Variants in TUT1 observed in about 807,000 individuals in gnomAD.
The protein encoded by TUT1 is speckle targeted PIP5K1A-regulated poly(A) polymerase.
TUT1 carries 26 observed loss-of-function variants against 48.8 expected under a neutral mutation model. The ratio of observed to expected loss-of-function variants is 0.53; its 90% CI spans 0.39 to 0.74. TUT1 has a LOEUF of 0.74. TUT1 is among the 30% of genes least tolerant of loss of function. The pLI is 0.00. For missense variants in TUT1, 1,065 were observed against 1,114.8 expected, an observed-to-expected ratio of 0.96 and a Z score of 0.64; for synonymous variants, 470 against 460.8, an observed-to-expected ratio of 1.02 and a Z score of -0.26.
In TUT1 at chr11:62,575,916, G is replaced by T; in HGVS notation, c.1803C>A (p.Ser601Arg). The change falls in exon 9 of 9, where the codon AGC becomes AGA. Residue 601 changes from serine (S) to arginine (R), a missense_variant. Ser to Arg is a moderately radical substitution (Grantham distance 110, BLOSUM62 -1). Transcript: ENST00000476907. ...GGATCGGCGTAGCAGAGAGCAGGGA[G>T]CTGGGGGAGCTGGGCTGCAGAAGAG... ...LLPLLQPSSP[S>R]SLLSATPIPL... 3 of 1,614,186 alleles carry T rather than the reference G, an allele frequency of 1.9e-6. No individual in the cohort carries two copies. The highest frequency in any genetic ancestry group is 2.5e-6 in the Non-Finnish European group (3 of 1,179,990).
intron 5 of TUT1, among the ~76,000 whole-genome samples, chr11:62,578,273 A>G (rs1675042381): frequency 6.7e-6 from 1 of 150,334 alleles, no homozygotes; most frequent in African/African-American, 2.4e-5. Context: ...AAAGAAAGGT[A>G]TGGTGCCTCA....
At position 62,578,636 on chromosome 11, in the gene TUT1, G is replaced by A; in HGVS notation, c.1085C>T (p.Pro362Leu). 1 of 1,614,190 alleles carries A rather than the reference G, an allele frequency of 6.2e-7. No individual in the cohort carries two copies. The highest frequency in any genetic ancestry group is 8.5e-7 in the Non-Finnish European group (1 of 1,180,020). Reference protein sequence around the residue: ...VPGVYRVQTVPSARRPVVKFC... With the variant: ...VPGVYRVQTVLSARRPVVKFC... ...CTTGACCACAGGGCGCCGGGCAGAG[G>A]GCACAGTTTGGACTCGATACACCCC... The change falls in exon 5 of 9, where the codon CCC becomes CTC. Residue 362 changes from proline (P) to leucine (L), a missense_variant. By Grantham distance (98) the Pro-to-Leu change is moderately conservative. Coordinates refer to ENST00000476907, the MANE Select transcript of TUT1 (RefSeq NM_022830.3).
rs1400642388 is a variant in TUT1 at position 62,581,393 on chromosome 11, G to C, written c.582C>G (p.Phe194Leu). ...GTAGGGGAGGTAACTTACCAGGGAAGAACTCTGTGAAGACCTCCTGCATCA... is the reference window on the plus strand; with the variant it reads ...GTAGGGGAGGTAACTTACCAGGGAACAACTCTGTGAAGACCTCCTGCATCA... ...VALMQEVFTE[F>L]FPGCVVHPFG... The change falls in exon 3 of 9, where the codon TTC becomes TTG. Residue 194 changes from phenylalanine (F) to leucine (L), a missense_variant. Coordinates refer to ENST00000476907, the MANE Select transcript of TUT1 (RefSeq NM_022830.3). 6.2e-7 allele frequency: 1 copy of C among 1,600,108 alleles called. No individual in the cohort carries two copies. The highest frequency in any genetic ancestry group is 8.5e-7 in the Non-Finnish European group (1 of 1,173,822).
At chr11:62,582,529 G>A (rs1941845997) in intron 2 of TUT1, 2 of 441,480 alleles carry the variant, frequency 4.5e-6, no homozygotes, top group South Asian at 3.2e-5. Context: ...CCAGGATGTT[G>A]AGGCTGCAGT....
rs1941741040 is a variant in TUT1 at position 62,577,037 on chromosome 11, T to C, written c.1271-20A>G. ...CACTCCCTGGGTAAATAAGCAATAATTCCGGTTAGATCAGAGGTGCTTCTA... is the reference window on the plus strand; with the variant it reads ...CACTCCCTGGGTAAATAAGCAATAACTCCGGTTAGATCAGAGGTGCTTCTA... On this transcript the variant is annotated intron_variant, in intron 6 of 8. Transcript: ENST00000476907. 6.2e-7 allele frequency: 1 copy of C among 1,611,468 alleles called. No individual in the cohort carries two copies. Among genetic ancestry groups the C allele is most frequent in the South Asian group, 1.1e-5 (1 of 91,010 alleles).
In TUT1 at chr11:62,576,216, A is replaced by T. The variant is rs751308029; in HGVS notation, c.1503T>A (p.Cys501Ter). Reference sequence around the variant, plus strand: ...AGCCACGAAGATCCCAACAAGATACACAGGAGAAGAACTGGGCTAGCAGGG... The same window carrying T: ...AGCCACGAAGATCCCAACAAGATACTCAGGAGAAGAACTGGGCTAGCAGGG... ...LSSLLAQFFSCVSCWDLRGSL... is the reference protein window; with the variant it reads ...LSSLLAQFFS Residue 501 changes from cysteine (C) to a stop codon, truncating the protein, a stop_gained, in exon 9 of 9, where the codon TGT (cysteine) becomes TGA (stop). Transcript: ENST00000476907. LOFTEE classifies it low-confidence loss of function (END_TRUNC). The T allele has an allele frequency of 6.3e-7, 1 of 1,599,078 alleles. No individual in the cohort carries two copies. Among genetic ancestry groups the T allele is most frequent in the Admixed American group, 1.8e-5 (1 of 56,932 alleles).
chr11:62,581,127 C>T lies in TUT1; in HGVS notation c.669G>A (p.Leu223=), dbSNP rs1941817594. ...HGCDLDLFLD[L]GDLEEPQPVP... ...TCACCTGGGGCTCTTCCAAGTCACCCAGATCCAAGAAGAGGTCAAGATCAC... is the reference window on the plus strand; with the variant it reads ...TCACCTGGGGCTCTTCCAAGTCACCTAGATCCAAGAAGAGGTCAAGATCAC... The change falls in exon 4 of 9, where the codon CTG becomes CTA. Residue 223 remains leucine (L), a synonymous_variant. Transcript: ENST00000476907. The T allele has an allele frequency of 6.2e-7, 1 of 1,614,104 alleles. No homozygotes were observed. The highest frequency in any genetic ancestry group is 8.5e-7 in the Non-Finnish European group (1 of 1,180,000).
chr11:62,591,253 A>G (rs1490718337), intron 1 of TUT1, 151 bp downstream of exon 1: 14 of 1,352,016 alleles, frequency 1.0e-5, no homozygotes, highest in Non-Finnish European at 1.1e-5. Flanking sequence ...GACTCTCCAA[A>G]TCCCCTCGGA....
chr11:62,575,380 C>G lies in TUT1; in HGVS notation c.2339G>C (p.Arg780Pro). 6.2e-7 allele frequency: 1 copy of G among 1,613,054 alleles called. No individual in the cohort carries two copies. Among genetic ancestry groups the G allele is most frequent in the Non-Finnish European group, 8.5e-7 (1 of 1,180,020 alleles). ...LWHRVWQGRRRARRRLQQQTK... is the reference protein window; with the variant it reads ...LWHRVWQGRRPARRRLQQQTK... Reference sequence around the variant, plus strand: ...TTGCTGCTGCAAGCGTCTACGGGCTCGCCGCCGCCCTTGCCACACTCGGTG... The same window carrying G: ...TTGCTGCTGCAAGCGTCTACGGGCTGGCCGCCGCCCTTGCCACACTCGGTG... The change falls in exon 9 of 9, where the codon CGA (arginine) becomes CCA (proline). Residue 780 changes from arginine to proline, a missense_variant. Physicochemically the swap from Arg to Pro is moderately radical, Grantham distance 103. Coordinates refer to ENST00000476907, the MANE Select transcript of TUT1 (RefSeq NM_022830.3).
rs1324715643 is a variant in TUT1 at position 62,591,384 on chromosome 11, C to T, written c.82+20G>A. The T allele has an allele frequency of 1.3e-6, 2 of 1,543,992 alleles. No individual in the cohort carries two copies. The highest frequency in any genetic ancestry group is 1.7e-6 in the Non-Finnish European group (2 of 1,145,072). On this transcript the variant is annotated intron_variant, in intron 1 of 8. Transcript: ENST00000476907. ...GAAAGCCCGCAACCACCCCCGGGTC[C>T]CTCACTAGCCACCGCTTACGGTTGG...
intron 3 of TUT1, 47 bp from the exon 4 acceptor site, chr11:62,581,253 C>T (rs560139267): frequency 7.3e-5 from 117 of 1,593,280 alleles, no homozygotes; most frequent in Non-Finnish European, 9.3e-5. Context: ...TAGGGAGGAG[C>T]AGGGGGAAGA....
intron 3 of TUT1, 69 bp from the exon 4 acceptor site, chr11:62,581,275 C>A: frequency 6.3e-7 from 1 of 1,575,196 alleles, no homozygotes. Context: ...CAAAACAGAG[C>A]ACAAAGATGG....
At chr11:62,587,752 A>G (rs990655813) in intron 2 of TUT1, among the ~76,000 whole-genome samples, 10 of 152,234 alleles carry the variant, frequency 6.6e-5, no homozygotes, top group Non-Finnish European at 1.5e-5. Context: ...CTGCAAAGGG[A>G]TATTTTGGAT....
At position 62,576,173 on chromosome 11, in the gene TUT1, C is replaced by T. The variant is rs762278404; in HGVS notation, c.1546G>A (p.Glu516Lys). The T allele has an allele frequency of 1.2e-6, 2 of 1,613,036 alleles. No homozygotes were observed. Among genetic ancestry groups the T allele is most frequent in the Non-Finnish European group, 1.7e-6 (2 of 1,179,536 alleles). ...CCTGCCACAGGCAGTGCCTGACCCT[C>T]CCGCAGGGACAGCAGGGAGCCACGA... The part of the protein sequence containing the change: ...DLRGSLLSLR[E>K]GQALPVAGGL... Residue 516 changes from glutamate (E) to lysine (K), a missense_variant, in exon 9 of 9, where the codon GAG becomes AAG. Physicochemically the swap from Glu to Lys is moderately conservative, Grantham distance 56. Transcript: ENST00000476907.
Position 62,578,862 on chromosome 11 carries a change from G to A in TUT1, c.859C>T (p.Pro287Ser). Residue 287 changes from proline (P) to serine (S), a missense_variant, in exon 5 of 9, where the codon CCC becomes TCC. Transcript: ENST00000476907. ...GCCAAGGCAGAGTCCGGAGTTTGGGGCGCCAGGGAGGAGGAAGGGGTTTCA... is the reference window on the plus strand; with the variant it reads ...GCCAAGGCAGAGTCCGGAGTTTGGGACGCCAGGGAGGAGGAAGGGGTTTCA... ...DFETPSSSLA[P>S]QTPDSALASE... 6.2e-7 allele frequency: 1 copy of A among 1,612,262 alleles called. No individual in the cohort carries two copies. Among genetic ancestry groups the A allele is most frequent in the Non-Finnish European group, 8.5e-7 (1 of 1,178,842 alleles).
rs1362011488 is a variant in TUT1 at position 62,576,248 on chromosome 11, G to A, written c.1475-4C>T. 1 of 1,561,674 alleles carries A rather than the reference G, an allele frequency of 6.4e-7. No individual in the cohort carries two copies. Among genetic ancestry groups the A allele is most frequent in the Non-Finnish European group, 8.7e-7 (1 of 1,154,662 alleles). ...AAGAACTGGGCTAGCAGGGAACCTG[G>A]AGGAGGAGGAAGAGTGGGGAAAGGG... On this transcript the variant is annotated splice_region_variant and splice_polypyrimidine_tract_variant and intron_variant, in intron 8 of 8. Transcript: ENST00000476907.
rs774242543 is a variant in TUT1, at chr11:62,577,182, C to G, written c.1270G>C (p.Gly424Arg). The part of the protein sequence containing the change: ...RCWAQGRGLS[G>R]SGPLLSNYAL... The stretch of plus-strand genomic sequence containing the variant: ...CAAGTCTGTCCTGATCCATTCTCAC[C>G]TGACAGCCCCCGACCCTGAGCCCAG... Residue 424 changes from glycine to arginine, a missense_variant and splice_region_variant, in exon 6 of 9, where the codon GGG (glycine) becomes CGG (arginine). Physicochemically the swap from Gly to Arg is moderately radical, Grantham distance 125. Coordinates refer to ENST00000476907, the MANE Select transcript of TUT1 (RefSeq NM_022830.3). 1 of 1,608,234 alleles carries G rather than the reference C, an allele frequency of 6.2e-7. No homozygotes were observed. The highest frequency in any genetic ancestry group is 8.5e-7 in the Non-Finnish European group (1 of 1,178,106).
At position 62,587,019 on chromosome 11, in the gene TUT1, T is replaced by C. The variant is rs532789890; in HGVS notation, c.273+2012A>G. On this transcript the variant is annotated intron_variant, in intron 2 of 8. Transcript: ENST00000476907. ...TGTGCCCAGTCGAGAGAAATACTTT[T>C]TCTAAAGGCCTCCTCAGTAAACTTC... is the stretch of plus-strand genomic sequence containing the variant. Among the ~76,000 whole-genome samples, 4 of 145,038 alleles carry C rather than the reference T, an allele frequency of 2.8e-5. No homozygotes were observed. The South Asian group carries it at 6.6e-4, about 24-fold the overall frequency.
Position 62,578,788 on chromosome 11 carries a change from C to G in TUT1, c.933G>C (p.Leu311=). The G allele has an allele frequency of 6.2e-7, 1 of 1,614,156 alleles. No individual in the cohort carries two copies. The highest frequency in any genetic ancestry group is 8.5e-7 in the Non-Finnish European group (1 of 1,180,034). Residue 311 remains leucine, a synonymous_variant, in exon 5 of 9, where the codon CTG becomes CTC. Transcript: ENST00000476907. ...GGTCCCCCTCTTCCCTGTCCTCTAG[C>G]AGTGGTGAAGCTGGAGGCAGAGACT... ...SPQSLPPASP[L]LEDREEGDLG... is the part of the protein sequence containing the mutation.
Sources: gnomAD v4.1 joint callset for allele counts (sites outside exome capture counted in the v4.1 genomes callset) on GRCh38, gnomAD v4.1.1 for gene constraint, MANE v1.5 for transcripts, NCBI Gene and HGNC (gene_info 2026-07-23, HGNC 2026-07-21) for gene names.